Variants in MEI4 observed in about 807,000 individuals in gnomAD.
The protein encoded by MEI4 is meiosis-specific protein MEI4.
In MEI4, 27 loss-of-function variants were observed where a neutral mutation model predicts 31.4. That is an observed-to-expected ratio of 0.86 (90% CI 0.63 to 1.19). MEI4 has a LOEUF of 1.19. MEI4 is among the 50% of genes most tolerant of loss of function. The pLI is 0.00. For synonymous variants in MEI4, 122 were observed against 145.4 expected (o/e 0.84, Z 1.16); for missense variants, 329 against 398.9 (o/e 0.82, Z 1.49).
At chr6:77,652,228 A>C (rs1422480909), upstream of MEI4, among the ~76,000 whole-genome samples, 2 of 152,202 alleles carry the variant, frequency 1.3e-5, no homozygotes, top group African/African-American at 2.4e-5. Context: ...CATAATGACG[A>C]GATACTAATG....
chr6:77,876,816 G>T (rs756162416), intron 4 of MEI4, among the ~76,000 whole-genome samples: 5 of 151,986 alleles, frequency 3.3e-5, no homozygotes, highest in Non-Finnish European at 1.5e-5. Flanking sequence ...AAAATATGAG[G>T]CAAAGTACCA....
chr6:77,793,768 A>T (rs1329210386), intron 3 of MEI4, among the ~76,000 whole-genome samples: 2 of 152,200 alleles, frequency 1.3e-5, no homozygotes, highest in Non-Finnish European at 2.9e-5. Context: ...GTGACATCAC[A>T]AAGAAAAAGC....
intron 4 of MEI4, among the ~76,000 whole-genome samples, chr6:77,838,709 C>T (rs1235097160): frequency 6.6e-6 from 1 of 152,062 alleles, no homozygotes; most frequent in Non-Finnish European, 1.5e-5. Context: ...CAAGACCAGC[C>T]TGGCCAACAT....
chr6:77,918,249 A>G (rs79332289), intron 4 of MEI4, among the ~76,000 whole-genome samples: 7 of 151,656 alleles, frequency 4.6e-5, no homozygotes, highest in East Asian at 3.9e-4. Context: ...TTGGCGATGC[A>G]GGCTCTTTTT....
intron 4 of MEI4, among the ~76,000 whole-genome samples, chr6:77,889,120 A>T (rs926830508): frequency 6.6e-6 from 1 of 152,100 alleles, no homozygotes; most frequent in Non-Finnish European, 1.5e-5. Context: ...TACCACAGAG[A>T]GTGGGATGCT....
intron 4 of MEI4, among the ~76,000 whole-genome samples, chr6:77,916,635 T>C (rs1766555611): frequency 6.6e-6 from 1 of 152,108 alleles, no homozygotes; most frequent in Admixed American, 6.6e-5. Context: ...TTATAGCATC[T>C]TAACCAAAAG....
chr6:77,803,152 T>A, intron 3 of MEI4, among the ~76,000 whole-genome samples: 1 of 152,242 alleles, frequency 6.6e-6, no homozygotes, highest in Non-Finnish European at 1.5e-5. Flanking sequence ...CCCATATTTA[T>A]TGGAGGCTTT....
intron 1 of MEI4, among the ~76,000 whole-genome samples, chr6:77,674,739 A>AT (rs905531112): frequency 6.6e-6 from 1 of 152,118 alleles, no homozygotes; most frequent in African/African-American, 2.4e-5. Flanking sequence ...CACCTCCCAG[A>AT]TTAAAAAAAA....
At chr6:77,791,039 C>T (rs1768913397) in intron 3 of MEI4, among the ~76,000 whole-genome samples, 1 of 151,984 alleles carries the variant, frequency 6.6e-6, no homozygotes. Flanking sequence ...ACAACAGGTG[C>T]TGGAGAGGAT....
rs947407993 is a variant in MEI4, at chr6:77,820,107, A to T, written c.769-8824A>T. On this transcript the variant is annotated intron_variant, in intron 3 of 4. Coordinates refer to ENST00000684080, the MANE Select transcript of MEI4 (RefSeq NM_001322247.2). The surrounding 1 kb of genome is among the most constrained non-coding windows in gnomAD (Gnocchi z 4.5). ...TGTACTTGGCAGTGTCAGTATCAGG[A>T]TATGAGTTGTTTTGATAGAAACGAA... 6.6e-6 allele frequency among the ~76,000 whole-genome samples: 1 copy of T among 152,124 alleles called. No homozygotes were observed. Among genetic ancestry groups the T allele is most frequent in the African/African-American group, 2.4e-5 (1 of 41,424 alleles).
chr6:77,835,403 C>A (rs112283251), intron 4 of MEI4, among the ~76,000 whole-genome samples: 4,627 of 91,644 alleles, frequency 0.05, 218 homozygotes, highest in African/African-American at 0.19. Context: ...CACACACACA[C>A]AAATAAAAAA....
chr6:77,731,177 GTTC>G (rs1374700861), intron 2 of MEI4, among the ~76,000 whole-genome samples: 5 of 151,308 alleles, frequency 3.3e-5, no homozygotes, highest in Non-Finnish European at 5.9e-5. Flanking sequence ...GGTATTTCTA[GTTC>G]TAGATCCCTG....
intron 1 of MEI4, among the ~76,000 whole-genome samples, chr6:77,661,562 G>T (rs919154586): frequency 6.6e-6 from 1 of 152,110 alleles, no homozygotes; most frequent in African/African-American, 2.4e-5. Flanking sequence ...AATGGGAGGA[G>T]GCCTGAACAA....
At chr6:77,921,851 G>T (rs1352847268) in intron 4 of MEI4, among the ~76,000 whole-genome samples, 1 of 151,680 alleles carries the variant, frequency 6.6e-6, no homozygotes, top group Admixed American at 6.6e-5. Context: ...ATATGGGCAT[G>T]GTTTGTGGTA....
intron 4 of MEI4, among the ~76,000 whole-genome samples, chr6:77,834,226 T>G (rs1344507769): frequency 6.6e-6 from 1 of 152,014 alleles, no homozygotes; most frequent in Non-Finnish European, 1.5e-5. Context: ...ATGGAACCTT[T>G]AGAAAGAAAA....
rs993674959 is a variant in MEI4 at position 77,924,341 on chromosome 6, T to C, written c.*995T>C. The C allele has an allele frequency of 2.0e-5, 3 of 151,902 alleles. No individual in the cohort carries two copies. Among genetic ancestry groups the C allele is most frequent in the African/African-American group, 2.4e-5 (1 of 41,388 alleles). The allele number at this position is 151,902 out of a possible 1,614,324, so 9.4% of individuals were successfully genotyped here. ...TCTTGATAATTCCATCTACAATGTA[T>C]ATACAATTATGTCATCTGGCACAAA... On this transcript the variant is annotated 3_prime_UTR_variant, in exon 5 of 5. Transcript: ENST00000684080.
chr6:77,761,411 G>T lies in MEI4; in HGVS notation c.514G>T (p.Asp172Tyr), dbSNP rs1024587903. 8.1e-7 allele frequency: 1 copy of T among 1,232,102 alleles called. No individual in the cohort carries two copies. The highest frequency in any genetic ancestry group is 3.2e-5 in the East Asian group (1 of 31,696). The allele number at this position is 1,232,102 out of a possible 1,614,324, so 76.3% of individuals were successfully genotyped here. ...GACAGAATCAGGTAATCTTAAAAGAGACTTAACCCACTTTGAAAAAGACTC... is the reference window on the plus strand; with the variant it reads ...GACAGAATCAGGTAATCTTAAAAGATACTTAACCCACTTTGAAAAAGACTC... ...NLTESGNLKR[D>Y]LTHFEKDSST... Residue 172 changes from aspartate (D) to tyrosine (Y), a missense_variant, in exon 3 of 5, where the codon GAC becomes TAC. Asp to Tyr is a radical substitution (Grantham distance 160, BLOSUM62 -3). Coordinates refer to ENST00000684080, the MANE Select transcript of MEI4 (RefSeq NM_001322247.2).
Position 77,905,475 on chromosome 6 carries a change from C to CTTT in MEI4, c.901-17577_901-17575dup, listed in dbSNP as rs70974691. ...TTCTATAGATTGTATAAATTTTCAG[C>CTTT]TTTTTTTTTTTTTTTTTTTTTTTTT... On this transcript the variant is annotated intron_variant, in intron 4 of 4. Transcript: ENST00000684080. 1.8e-4 allele frequency among the ~76,000 whole-genome samples: 17 copies of CTTT among 93,346 alleles called. 3 individuals carry two copies. Among genetic ancestry groups the CTTT allele is most frequent in the East Asian group, 3.5e-4 (1 of 2,882 alleles). The allele number at this position is 93,346 out of a possible 152,430, so 61.2% of individuals were successfully genotyped here.
At chr6:77,895,416 T>G (rs1030929419) in intron 4 of MEI4, among the ~76,000 whole-genome samples, 1 of 152,128 alleles carries the variant, frequency 6.6e-6, no homozygotes, top group Non-Finnish European at 1.5e-5. Flanking sequence ...AGATACTCCT[T>G]GGTAGCAGCC....
Sources: gnomAD v4.1 joint callset for allele counts (sites outside exome capture counted in the v4.1 genomes callset) on GRCh38, gnomAD v4.1.1 for gene constraint, Gnocchi (gnomAD v3.1) non-coding constraint, MANE v1.5 for transcripts, NCBI Gene and HGNC (gene_info 2026-07-23, HGNC 2026-07-21) for gene names.